The following ARHGEF16 variants were observed in gnomAD, a reference collection of about 807,000 sequenced individuals.
ARHGEF16 encodes the protein Rho guanine exchange factor (GEF) 16.
In ARHGEF16, 59 loss-of-function variants were observed where a neutral mutation model predicts 74.1. The ratio of observed to expected loss-of-function variants is 0.80; its 90% CI spans 0.65 to 0.99. The LOEUF is 0.99. ARHGEF16 is among the 50% of genes least tolerant of loss of function. ARHGEF16 has a pLI of 0.00. For missense variants in ARHGEF16, 948 were observed against 986.6 expected (o/e 0.96, Z 0.52); for synonymous variants, 415 against 412.6 (o/e 1.01, Z -0.07).
Position 3,463,568 on chromosome 1 carries a change from G to T in ARHGEF16, c.484G>T (p.Gly162Trp). The change falls in exon 2 of 15, where the codon GGG becomes TGG. Residue 162 changes from glycine (G) to tryptophan (W), a missense_variant. Coordinates refer to ENST00000378378, the MANE Select transcript of ARHGEF16 (RefSeq NM_014448.4). ...CTACCGGGCGGCCATGAAGGGCCTG[G>T]GGAAGCCAGGTGGCCAGGGAGATGC... ...QSYRAAMKGL[G>W]KPGGQGDAIQ... 1 of 1,452,092 alleles carries T rather than the reference G, an allele frequency of 6.9e-7. No homozygotes were observed. The highest frequency in any genetic ancestry group is 9.1e-7 in the Non-Finnish European group (1 of 1,098,878). The allele number at this position is 1,452,092 out of a possible 1,614,324, so 90.0% of individuals were successfully genotyped here.
chr1:3,461,293 C>T (rs913745229), intron 1 of ARHGEF16, among the ~76,000 whole-genome samples: 2 of 152,240 alleles, frequency 1.3e-5, no homozygotes, highest in Middle Eastern at 3.2e-3. Context: ...TTCGGCAAGG[C>T]CTTGGTCACT....
rs986285109 is a variant in ARHGEF16, at chr1:3,480,409, C to G, written c.1991-39C>G. 1.9e-6 allele frequency: 3 copies of G among 1,608,886 alleles called. No homozygotes were observed. The African/African-American group carries it at 4.0e-5, about 21-fold the overall frequency. On this transcript the variant is annotated intron_variant, in intron 14 of 14. Coordinates refer to ENST00000378378, the MANE Select transcript of ARHGEF16 (RefSeq NM_014448.4). Reference sequence around the variant, plus strand: ...CTCAGAGGGGCCGGGGGACCCACGGCCTTCCCCTCACCTCCCTCCCACCCC... The same window carrying G: ...CTCAGAGGGGCCGGGGGACCCACGGGCTTCCCCTCACCTCCCTCCCACCCC...
chr1:3,461,859 C>T (rs1055110083), intron 1 of ARHGEF16, among the ~76,000 whole-genome samples: 3 of 152,284 alleles, frequency 2.0e-5, no homozygotes, highest in Non-Finnish European at 4.4e-5. Flanking sequence ...AGAGGCAGGT[C>T]GAGAGCTGGC....
intron 2 of ARHGEF16, among the ~76,000 whole-genome samples, chr1:3,465,166 A>G (rs2100739211): frequency 6.6e-6 from 1 of 152,376 alleles, no homozygotes; most frequent in East Asian, 1.9e-4. Flanking sequence ...TCATGCAGTC[A>G]GCAGACACTT....
At chr1:3,479,749 G>A (rs1421269019) in intron 13 of ARHGEF16, 63 bp from the exon 14 acceptor site, 15 of 1,578,994 alleles carry the variant, frequency 9.5e-6, no homozygotes, top group South Asian at 3.3e-5. Context: ...GCTGGAGGCC[G>A]TTGGGGAGTG....
chr1:3,479,409 A>C lies in ARHGEF16; in HGVS notation c.1815-108A>C, dbSNP rs1639992029. On this transcript the variant is annotated intron_variant, in intron 12 of 14. Coordinates refer to ENST00000378378, the MANE Select transcript of ARHGEF16 (RefSeq NM_014448.4). ...CCAGCCACTCCTGCCCACCCCCACC[A>C]CCCCCATCTCCTTGCCACGGCCCCC... 9.2e-6 allele frequency: 11 copies of C among 1,197,538 alleles called. No individual in the cohort carries two copies. In the East Asian group the frequency reaches 1.0e-4, roughly 11 times the overall value. The allele number at this position is 1,197,538 out of a possible 1,614,324, so 74.2% of individuals were successfully genotyped here.
Position 3,479,959 on chromosome 1 carries a change from G to C in ARHGEF16, c.1990+46G>C, listed in dbSNP as rs533135210. 53 of 1,584,974 alleles carry C rather than the reference G, an allele frequency of 3.3e-5. 1 individual carries two copies. The Middle Eastern group carries it at 2.0e-3, about 60-fold the overall frequency. On this transcript the variant is annotated intron_variant, in intron 14 of 14. Transcript: ENST00000378378. ...CACAGATGGGTGGGAACGGACAGGC[G>C]GGCGTGAGTCAGCGTCCAGCCTGGC... is the stretch of plus-strand genomic sequence containing the variant.
intron 1 of ARHGEF16, among the ~76,000 whole-genome samples, chr1:3,456,706 C>T (rs554436068): frequency 1.3e-4 from 20 of 152,358 alleles, no homozygotes; most frequent in Admixed American, 7.2e-4. Context: ...AGCGGGTGAA[C>T]GGGTGGCAGG....
chr1:3,468,064 C>G (rs1002523590), intron 4 of ARHGEF16, among the ~76,000 whole-genome samples: 2 of 152,118 alleles, frequency 1.3e-5, no homozygotes, highest in South Asian at 4.1e-4. Context: ...GGGCAGGCAG[C>G]GGGCAGCCTC....
chr1:3,467,054 C>T, intron 3 of ARHGEF16, 114 bp from the exon 4 acceptor site: 1 of 1,172,100 alleles, frequency 8.5e-7, no homozygotes. Flanking sequence ...AAGCCTCCCT[C>T]TCCCACACAG....
chr1:3,461,610 A>C (rs919696410), intron 1 of ARHGEF16, among the ~76,000 whole-genome samples: 14 of 152,232 alleles, frequency 9.2e-5, no homozygotes, highest in African/African-American at 3.1e-4. Flanking sequence ...GGTTGCAAGC[A>C]GCCCGGGGCG....
At chr1:3,471,783 C>T (rs1032916515) in intron 6 of ARHGEF16, 22 of 1,110,220 alleles carry the variant, frequency 2.0e-5, no homozygotes, top group African/African-American at 3.4e-5. Context: ...GGAATCATCG[C>T]TATTTGGGGT....
intron 1 of ARHGEF16, among the ~76,000 whole-genome samples, chr1:3,458,404 C>T (rs1395062645): frequency 6.6e-6 from 1 of 152,228 alleles, no homozygotes; most frequent in African/African-American, 2.4e-5. Context: ...GCATGGCCAG[C>T]TGCTGAAAGG....
At chr1:3,467,483 C>T in intron 4 of ARHGEF16, 146 bp downstream of exon 4, 1 of 1,037,714 alleles carries the variant, frequency 9.6e-7, no homozygotes, top group African/African-American at 1.6e-5. Flanking sequence ...CCAGAAGCCC[C>T]TCGGCTGTGG....
In ARHGEF16 at chr1:3,474,632, G is replaced by A. The variant is rs1347901605; in HGVS notation, c.1306-76G>A. On this transcript the variant is annotated intron_variant, in intron 8 of 14. Transcript: ENST00000378378. ...TTGACCACCCTGCAGCCCCACACGGGGTCTGGCGTTGGTGGGAGCCTCCAC... is the reference window on the plus strand; with the variant it reads ...TTGACCACCCTGCAGCCCCACACGGAGTCTGGCGTTGGTGGGAGCCTCCAC... 7.8e-6 allele frequency: 11 copies of A among 1,406,438 alleles called. No individual in the cohort carries two copies. The East Asian group carries it at 2.1e-4, about 26-fold the overall frequency. 87.1% of individuals were successfully genotyped at this position (1,406,438 alleles called of 1,614,324 possible).
intron 1 of ARHGEF16, among the ~76,000 whole-genome samples, 158 bp downstream of exon 1, chr1:3,454,969 C>G (rs1016267545): frequency 6.6e-6 from 1 of 152,124 alleles, no homozygotes; most frequent in Non-Finnish European, 1.5e-5. Context: ...AACAACTTCG[C>G]GACCCTCCTG....
chr1:3,480,875 CCACTGCACCCAGGGGG>C lies in ARHGEF16; in HGVS notation c.*291_*306del, dbSNP rs1157549169. On this transcript the variant is annotated 3_prime_UTR_variant, in exon 15 of 15. Transcript: ENST00000378378. ...CCCTCAGCTGCTGGGCCCCACCTCCCCACTGCACCCAGGGGGCAACTCCACCTGGACTGATGGGCAC... is the reference window on the plus strand; with the variant it reads ...CCCTCAGCTGCTGGGCCCCACCTCCCCAACTCCACCTGGACTGATGGGCAC... 4.0e-6 allele frequency: 2 copies of C among 502,396 alleles called. No individual in the cohort carries two copies. The highest frequency in any genetic ancestry group is 7.1e-6 in the Non-Finnish European group (2 of 280,956). 31.1% of individuals were successfully genotyped at this position (502,396 alleles called of 1,614,324 possible).
At chr1:3,478,383 G>A (rs1427533732) in intron 11 of ARHGEF16, 41 bp from the exon 12 acceptor site, 1 of 1,551,412 alleles carries the variant, frequency 6.4e-7, no homozygotes, top group South Asian at 1.2e-5. Context: ...CTGGGTAGGA[G>A]CTGGGTGGGA....
At chr1:3,471,918 G>A in intron 6 of ARHGEF16, 1 of 773,196 alleles carries the variant, frequency 1.3e-6, no homozygotes. Context: ...CAGCAACCGA[G>A]GCCTCCCATG....
Sources: gnomAD v4.1 joint callset for allele counts (sites outside exome capture counted in the v4.1 genomes callset) on GRCh38, gnomAD v4.1.1 for gene constraint, MANE v1.5 for transcripts, NCBI Gene and HGNC (gene_info 2026-07-23, HGNC 2026-07-21) for gene names.